The following PCDH9 variants were observed in gnomAD, a reference collection of about 807,000 sequenced individuals.
PCDH9 encodes protocadherin 9.
A neutral mutation model predicts 70.6 loss-of-function variants in PCDH9; 24 were observed. The observed-to-expected ratio is 0.34, with a 90% CI of 0.25 to 0.48. The LOEUF is 0.48. Among genes scored for constraint, PCDH9 ranks in the 20% least tolerant of loss-of-function variants. The pLI, the probability that PCDH9 is intolerant of heterozygous loss-of-function variation, is 0.99. For synonymous variants in PCDH9, 562 were observed against 558.5 expected (o/e 1.01, Z -0.09); for missense variants, 1,281 against 1,503.6 (o/e 0.85, Z 2.45).
At chr13:67,011,113 T>C (rs896985220) in intron 2 of PCDH9, among the ~76,000 whole-genome samples, 2 of 151,984 alleles carry the variant, frequency 1.3e-5, no homozygotes, top group African/African-American at 4.8e-5. Context: ...TTTCTTCATA[T>C]ATCATTTGTA....
At chr13:67,074,228 A>T (rs2085832502) in intron 2 of PCDH9, among the ~76,000 whole-genome samples, 1 of 151,994 alleles carries the variant, frequency 6.6e-6, no homozygotes, top group South Asian at 2.1e-4. Context: ...GGGTTTTTGT[A>T]GGTGATTGGG....
chr13:66,670,093 T>G (rs1232155147), intron 3 of PCDH9, among the ~76,000 whole-genome samples: 1 of 152,180 alleles, frequency 6.6e-6, no homozygotes, highest in Non-Finnish European at 1.5e-5. Context: ...TTCCGTGTTA[T>G]TTTCCTTATC....
chr13:67,138,072 C>A (rs1231158650), intron 2 of PCDH9, among the ~76,000 whole-genome samples: 1 of 151,508 alleles, frequency 6.6e-6, no homozygotes, highest in Admixed American at 6.7e-5. Context: ...GGGAAGAAGT[C>A]CACTTTAGCT....
chr13:67,134,173 A>G (rs2087175300), intron 2 of PCDH9, among the ~76,000 whole-genome samples: 1 of 152,104 alleles, frequency 6.6e-6, no homozygotes. Flanking sequence ...AAAATATCCA[A>G]TTAAATAAAA....
chr13:67,194,960 G>A (rs1027078208), intron 2 of PCDH9, among the ~76,000 whole-genome samples: 1 of 152,134 alleles, frequency 6.6e-6, no homozygotes, highest in African/African-American at 2.4e-5. Context: ...TACAATGGAT[G>A]TGTTTTGTGT....
At chr13:66,743,875 AT>A (rs2079313712) in intron 3 of PCDH9, among the ~76,000 whole-genome samples, 1 of 152,198 alleles carries the variant, frequency 6.6e-6, no homozygotes. Context: ...GTCATGAGAT[AT>A]AACTTAAAGA....
intron 2 of PCDH9, among the ~76,000 whole-genome samples, chr13:67,043,351 C>T (rs770467973): frequency 6.6e-6 from 1 of 151,758 alleles, no homozygotes; most frequent in Non-Finnish European, 1.5e-5. Flanking sequence ...AGTCGATATA[C>T]GAGGATTGTA....
intron 2 of PCDH9, among the ~76,000 whole-genome samples, chr13:67,004,586 A>G (rs1176874937): frequency 2.6e-5 from 4 of 151,960 alleles, no homozygotes; most frequent in African/African-American, 9.7e-5. Context: ...GAAAGAAAGA[A>G]AGAAATGTAT....
chr13:67,069,106 C>A (rs1420156040), intron 2 of PCDH9, among the ~76,000 whole-genome samples: 1 of 152,194 alleles, frequency 6.6e-6, no homozygotes, highest in East Asian at 1.9e-4. Flanking sequence ...AAACTACTTG[C>A]CTCACATTTA....
At chr13:67,216,256 C>T (rs1172342485) in intron 2 of PCDH9, 1 of 152,026 alleles carries the variant, frequency 6.6e-6, no homozygotes. Context: ...TCAATGAATT[C>T]AACATATTTT....
At chr13:66,749,803 A>T (rs1336763875) in intron 3 of PCDH9, among the ~76,000 whole-genome samples, 1 of 152,178 alleles carries the variant, frequency 6.6e-6, no homozygotes, top group African/African-American at 2.4e-5. Flanking sequence ...CTGGTGACAG[A>T]ATTCAGACAG....
At chr13:66,579,807 G>A (rs902791474) in intron 4 of PCDH9, among the ~76,000 whole-genome samples, 1 of 152,110 alleles carries the variant, frequency 6.6e-6, no homozygotes, top group Non-Finnish European at 1.5e-5. Context: ...CATGATAAAG[G>A]TAGAATTCAT....
chr13:66,738,411 T>G (rs542928006), intron 3 of PCDH9, among the ~76,000 whole-genome samples: 2 of 151,534 alleles, frequency 1.3e-5, no homozygotes, highest in Admixed American at 6.6e-5. Context: ...ACAGAAAAAC[T>G]GGAAACTGTA....
intron 4 of PCDH9, among the ~76,000 whole-genome samples, chr13:66,561,152 A>G (rs141276130): frequency 6.6e-6 from 1 of 152,120 alleles, no homozygotes. Context: ...CAGGCCCCGC[A>G]CTCGGAGCGG....
chr13:67,173,314 T>C (rs1326707523), intron 2 of PCDH9, among the ~76,000 whole-genome samples: 1 of 152,194 alleles, frequency 6.6e-6, no homozygotes, highest in Non-Finnish European at 1.5e-5. Flanking sequence ...ATCTACCACC[T>C]AAGAGGTACA....
At chr13:66,820,718 G>T (rs546993842) in intron 3 of PCDH9, among the ~76,000 whole-genome samples, 3 of 152,136 alleles carry the variant, frequency 2.0e-5, no homozygotes, top group African/African-American at 7.2e-5. Context: ...TGGAGCTGGA[G>T]GCCATTATCT....
chr13:66,343,436 G>A (rs747316808), intron 4 of PCDH9, among the ~76,000 whole-genome samples: 3 of 152,178 alleles, frequency 2.0e-5, no homozygotes, highest in Non-Finnish European at 4.4e-5. Flanking sequence ...GTGTTTGTAA[G>A]GCTGAGGTCC....
intron 4 of PCDH9, among the ~76,000 whole-genome samples, chr13:66,306,538 TAA>T: frequency 6.6e-6 from 1 of 151,322 alleles, no homozygotes; most frequent in East Asian, 1.9e-4. Context: ...ACTATTGATA[TAA>T]AAAAATTGTT....
At chr13:66,940,778 A>G (rs1476418496) in intron 2 of PCDH9, among the ~76,000 whole-genome samples, 5 of 103,312 alleles carry the variant, frequency 4.8e-5, no homozygotes, top group Admixed American at 2.5e-4. Context: ...GTCAAAAAAG[A>G]GGAAAAATAG....
Sources: allele counts gnomAD v4.1 joint callset (sites outside exome capture counted in the v4.1 genomes callset), GRCh38; gene constraint gnomAD v4.1.1; transcripts MANE v1.5; gene names NCBI Gene and HGNC (gene_info 2026-07-23, HGNC 2026-07-21).